The following NRG3 variants were observed in gnomAD, a reference collection of about 807,000 sequenced individuals.
The protein encoded by NRG3 is pro-neuregulin-3, membrane-bound isoform.
NRG3 carries 31 observed loss-of-function variants against 66.9 expected under a neutral mutation model. The ratio of observed to expected loss-of-function variants is 0.46; its 90% CI spans 0.35 to 0.63. NRG3 has a LOEUF of 0.63. NRG3 is among the 20% of genes least tolerant of loss of function. The pLI, the probability that NRG3 is intolerant of heterozygous loss-of-function variation, is 0.00. For synonymous variants in NRG3, 393 were observed against 359.4 expected (o/e 1.09, Z -1.06); for missense variants, 910 against 878.9 (o/e 1.04, Z -0.45).
chr10:81,947,088 C>CT (rs775990143), intron 1 of NRG3, among the ~76,000 whole-genome samples: 25 of 152,228 alleles, frequency 1.6e-4, no homozygotes, highest in African/African-American at 5.8e-4. Flanking sequence ...GGGAAGGACA[C>CT]TTTTTTTGTC....
At chr10:82,952,355 C>T (rs1849601896) in intron 5 of NRG3, among the ~76,000 whole-genome samples, 1 of 151,596 alleles carries the variant, frequency 6.6e-6, no homozygotes, top group Non-Finnish European at 1.5e-5. Context: ...ATTGCTTGAA[C>T]CTGGGAGGTG....
At chr10:82,145,978 T>G (rs2070223960) in intron 1 of NRG3, among the ~76,000 whole-genome samples, 1 of 152,148 alleles carries the variant, frequency 6.6e-6, no homozygotes, top group South Asian at 2.1e-4. Context: ...GATGCCTAGT[T>G]GTTGAGGTGA....
intron 1 of NRG3, among the ~76,000 whole-genome samples, chr10:82,303,226 A>G (rs991696308): frequency 3.3e-5 from 5 of 152,182 alleles, no homozygotes; most frequent in African/African-American, 1.2e-4. Context: ...GTAGTTCTAT[A>G]GTCCAGAATA....
chr10:82,872,478 A>G (rs1040155330), intron 4 of NRG3, among the ~76,000 whole-genome samples: 10 of 152,154 alleles, frequency 6.6e-5, no homozygotes, highest in African/African-American at 2.2e-4. Flanking sequence ...TCTCAAAACC[A>G]GAATACTTCA....
intron 2 of NRG3, among the ~76,000 whole-genome samples, chr10:82,722,180 A>T (rs2057357841): frequency 2.0e-5 from 3 of 151,908 alleles, no homozygotes; most frequent in Admixed American, 2.0e-4. Context: ...TTGTTGTTCG[A>T]CCCCTTATGC....
chr10:82,060,619 A>G (rs931465769), intron 1 of NRG3, among the ~76,000 whole-genome samples: 3 of 152,184 alleles, frequency 2.0e-5, no homozygotes, highest in African/African-American at 7.2e-5. Context: ...AGCCTTGTGA[A>G]TATTTATTCT....
chr10:82,132,225 A>G (rs2068875705), intron 1 of NRG3, among the ~76,000 whole-genome samples: 2 of 151,632 alleles, frequency 1.3e-5, no homozygotes. Context: ...ACCCAGTTTT[A>G]TAAGTATTTT....
chr10:82,248,993 A>T (rs1445016403), intron 1 of NRG3, among the ~76,000 whole-genome samples: 1 of 152,118 alleles, frequency 6.6e-6, no homozygotes. Context: ...CACCTCCATT[A>T]AAATCCTACC....
At chr10:82,794,932 C>G (rs1035970288) in intron 3 of NRG3, among the ~76,000 whole-genome samples, 1 of 152,168 alleles carries the variant, frequency 6.6e-6, no homozygotes, top group Non-Finnish European at 1.5e-5. Context: ...AAACTAAGCT[C>G]TAACCTCTCT....
intron 2 of NRG3, among the ~76,000 whole-genome samples, chr10:82,394,494 G>C (rs1255568737): frequency 6.6e-6 from 1 of 152,120 alleles, no homozygotes; most frequent in Admixed American, 6.5e-5. Context: ...TATGGAATGG[G>C]CTCTTTTTTC....
intron 2 of NRG3, among the ~76,000 whole-genome samples, chr10:82,561,657 T>C (rs2045053626): frequency 6.6e-6 from 1 of 152,126 alleles, no homozygotes; most frequent in Non-Finnish European, 1.5e-5. Context: ...AACACTCCCA[T>C]CCTTAAAATG....
intron 1 of NRG3, among the ~76,000 whole-genome samples, chr10:82,134,413 T>C (rs1011377276): frequency 4.6e-5 from 7 of 152,160 alleles, no homozygotes; most frequent in Non-Finnish European, 4.4e-5. Flanking sequence ...ACACCTTTAA[T>C]CCATCTTGAA....
intron 1 of NRG3, among the ~76,000 whole-genome samples, chr10:82,035,146 C>T (rs1257312425): frequency 2.0e-5 from 3 of 152,048 alleles, no homozygotes; most frequent in African/African-American, 4.8e-5. Flanking sequence ...AGCATGCCTT[C>T]CAGAATCCAA....
At chr10:82,035,626 A>T (rs1291848241) in intron 1 of NRG3, among the ~76,000 whole-genome samples, 3 of 152,112 alleles carry the variant, frequency 2.0e-5, no homozygotes, top group Non-Finnish European at 1.5e-5. Context: ...CCTATGACTT[A>T]CTGGAAAGAT....
chr10:82,809,873 T>G (rs2061423299), intron 3 of NRG3, among the ~76,000 whole-genome samples: 1 of 151,996 alleles, frequency 6.6e-6, no homozygotes, highest in Non-Finnish European at 1.5e-5. Context: ...AAAACTTCAT[T>G]ATTTTTTTTA....
rs1251109253 is a variant in NRG3 at position 82,176,906 on chromosome 10, A to ACACACACACACAC, written c.824-181833_824-181832insCACACACACACAC. On this transcript the variant is annotated intron_variant, in intron 1 of 8. Coordinates refer to ENST00000372141, the MANE Select transcript of NRG3 (RefSeq NM_001010848.4). The stretch of plus-strand genomic sequence containing the variant: ...ACACACACACACACACACACACACA[A>ACACACACACACAC]ACACACACACACACTCGGAGGGTTT... 1.4e-3 allele frequency among the ~76,000 whole-genome samples: 73 copies of ACACACACACACAC among 51,578 alleles called. 2 individuals are homozygous for ACACACACACACAC. In the East Asian group the frequency reaches 0.021, roughly 15 times the overall value. 33.8% of individuals were successfully genotyped at this position (51,578 alleles called of 152,430 possible). A position where few individuals can be genotyped will look rare whatever the true frequency, so the allele number is the denominator to read the frequency against.
In NRG3 at chr10:82,984,804, A is replaced by T. The variant is rs531465684; in HGVS notation, c.1584-294A>T. 133 of 1,551,250 alleles carry T rather than the reference A, an allele frequency of 8.6e-5. No homozygotes were observed. The South Asian group carries it at 1.4e-3, about 16-fold the overall frequency. ...CTAGGATAGAGGTCAGGAAGACTATATCCCACCTGCCTATACAGCTGTGGT... is the reference window on the plus strand; with the variant it reads ...CTAGGATAGAGGTCAGGAAGACTATTTCCCACCTGCCTATACAGCTGTGGT... On this transcript the variant is annotated intron_variant, in intron 8 of 8. Transcript: ENST00000372141.
intron 2 of NRG3, among the ~76,000 whole-genome samples, chr10:82,508,833 A>C (rs1844909588): frequency 6.6e-6 from 1 of 152,160 alleles, no homozygotes; most frequent in South Asian, 2.1e-4. Context: ...TCCTTCTCTC[A>C]TGACCATTCC....
chr10:82,155,891 T>C (rs980779224), intron 1 of NRG3, among the ~76,000 whole-genome samples: 3 of 151,778 alleles, frequency 2.0e-5, no homozygotes, highest in Non-Finnish European at 4.4e-5. Flanking sequence ...AGCAGAATCC[T>C]CTAAACTTTA....
Sources: gnomAD v4.1 joint callset for allele counts (sites outside exome capture counted in the v4.1 genomes callset) on GRCh38, gnomAD v4.1.1 for gene constraint, MANE v1.5 for transcripts, NCBI Gene and HGNC (gene_info 2026-07-23, HGNC 2026-07-21) for gene names.